The following SRSF11 variants were observed in gnomAD, a reference collection of about 807,000 sequenced individuals.
The protein encoded by SRSF11 is serine and arginine rich splicing factor 11, also known as serine/arginine-rich splicing factor 11.
SRSF11 carries 9 observed loss-of-function variants against 56.0 expected under a neutral mutation model. The observed-to-expected ratio is 0.16, with a 90% CI of 0.10 to 0.28. The LOEUF (loss-of-function observed/expected upper bound fraction) is 0.28, where lower values mean the gene tolerates loss of function less well. Ranked by LOEUF, SRSF11 falls within the 10% of genes least tolerant of loss-of-function variation. The pLI is 1.00. For missense variants in SRSF11, 421 were observed against 600.7 expected (o/e 0.70, Z 3.13); for synonymous variants, 222 against 215.3 (o/e 1.03, Z -0.27).
At chr1:70,241,954 G>T (rs572879000) in intron 7 of SRSF11, among the ~76,000 whole-genome samples, 2 of 152,278 alleles carry the variant, frequency 1.3e-5, no homozygotes, top group East Asian at 1.9e-4. Context: ...GGATCACAAG[G>T]TCAGGAGATT....
chr1:70,231,753 T>G, intron 2 of SRSF11: 1 of 1,247,716 alleles, frequency 8.0e-7, no homozygotes, highest in Non-Finnish European at 1.0e-6. Context: ...TTACAAAATT[T>G]GTATGGTAGG....
At chr1:70,250,095 T>G in intron 10 of SRSF11, 48 bp downstream of exon 10, 3 of 1,536,958 alleles carry the variant, frequency 2.0e-6, no homozygotes, top group Non-Finnish European at 2.7e-6. Flanking sequence ...TTTCAGAGGT[T>G]TTTCATTTTA....
exon 1 of SRSF11, chr1:70,205,727 G>A: frequency 3.8e-6 from 2 of 525,736 alleles, no homozygotes; most frequent in Non-Finnish European, 3.3e-6. Flanking sequence ...GGAGGACAGA[G>A]AAGCCTTTTC....
At position 70,221,487 on chromosome 1, in the gene SRSF11, C is replaced by CGGA. The variant is rs1670600949; in HGVS notation, c.-148_-147insAGG. The stretch of plus-strand genomic sequence containing the variant: ...GGCGTGCGGCGGGGCGGAGAAACGG[C>CGGA]GGCGGCGGCGGCGGCATCGGCAGCA... On this transcript the variant is annotated 5_prime_UTR_variant, in exon 1 of 12. Coordinates refer to ENST00000370949, the MANE Select transcript of SRSF11 (RefSeq NM_001350605.2). 1.0e-5 allele frequency: 12 copies of CGGA among 1,148,280 alleles called. No homozygotes were observed. In the East Asian group the frequency reaches 3.1e-4, roughly 30 times the overall value. The allele number at this position is 1,148,280 out of a possible 1,614,324, so 71.1% of individuals were successfully genotyped here.
rs539578922 is a variant in SRSF11 at position 70,227,205 on chromosome 1, A to T, written c.204-1217A>T. Among the ~76,000 whole-genome samples, 5 of 152,238 alleles carry T rather than the reference A, an allele frequency of 3.3e-5. No individual in the cohort carries two copies. The South Asian group carries it at 8.3e-4, about 25-fold the overall frequency. ...TTTTTCTTTTCAACAATGAATCTGA[A>T]ATTCTTAGTATAACCAAATCTGATG... is the stretch of plus-strand genomic sequence containing the variant. On this transcript the variant is annotated intron_variant, in intron 1 of 11. Transcript: ENST00000370949.
chr1:70,210,513 G>A (rs1175585649), intron 1 of SRSF11, among the ~76,000 whole-genome samples: 1 of 152,138 alleles, frequency 6.6e-6, no homozygotes, highest in Non-Finnish European at 1.5e-5. Context: ...AGGAGTTAGA[G>A]ACCAGCCTGG....
intron 5 of SRSF11, among the ~76,000 whole-genome samples, chr1:70,235,762 A>C (rs893746306): frequency 3.3e-5 from 5 of 152,226 alleles, no homozygotes; most frequent in Admixed American, 6.5e-5. Flanking sequence ...TTGAATAGTA[A>C]TTGTAAATGA....
intron 2 of SRSF11, chr1:70,229,042 G>C: frequency 1.0e-6 from 1 of 984,706 alleles, no homozygotes; most frequent in South Asian, 4.7e-5. Context: ...AAGGGTTGCA[G>C]TGATTTTGGT....
rs918622442 is a variant in SRSF11, at chr1:70,252,474, T to G, written c.*1669T>G. On this transcript the variant is annotated 3_prime_UTR_variant, in exon 12 of 12. Transcript: ENST00000370949. ...TTGTAGCTTTTATCCAAGTTTTGAGTATAAATAGGGTTTTGTTTTGTTTTT... is the reference window on the plus strand; with the variant it reads ...TTGTAGCTTTTATCCAAGTTTTGAGGATAAATAGGGTTTTGTTTTGTTTTT... The G allele has an allele frequency of 6.6e-6, 1 of 152,062 alleles. No individual in the cohort carries two copies. The highest frequency in any genetic ancestry group is 1.5e-5 in the Non-Finnish European group (1 of 67,980). 9.4% of individuals were successfully genotyped at this position (152,062 alleles called of 1,614,324 possible).
rs2101047606 is a variant in SRSF11 at position 70,251,139 on chromosome 1, C to G, written c.*334C>G. 4.8e-6 allele frequency: 1 copy of G among 207,670 alleles called. No homozygotes were observed. Among genetic ancestry groups the G allele is most frequent in the East Asian group, 1.0e-4 (1 of 9,644 alleles). The allele number at this position is 207,670 out of a possible 1,614,324, so 12.9% of individuals were successfully genotyped here. A position where few individuals can be genotyped will look rare whatever the true frequency, so the allele number is the denominator to read the frequency against. On this transcript the variant is annotated 3_prime_UTR_variant, in exon 12 of 12. Transcript: ENST00000370949. ...TATGATATCCTTTATTAAGTAAGTT[C>G]ACTTATAGTATTTCTATAATTTGAT... is the stretch of plus-strand genomic sequence containing the variant.
intron 5 of SRSF11, 31 bp from the exon 6 acceptor site, chr1:70,237,394 T>G (rs1306495068): frequency 6.2e-7 from 1 of 1,607,576 alleles, no homozygotes. Context: ...TTTTAAAATA[T>G]TTCAGATCCC....
At chr1:70,230,776 A>G (rs1248873473) in intron 2 of SRSF11, 5 of 1,173,704 alleles carry the variant, frequency 4.3e-6, no homozygotes, top group Non-Finnish European at 5.3e-6. Context: ...TTTGCCAGAA[A>G]TGTTGCAAAT....
intron 6 of SRSF11, among the ~76,000 whole-genome samples, chr1:70,238,568 T>C (rs1305197685): frequency 7.2e-5 from 11 of 152,332 alleles, no homozygotes; most frequent in East Asian, 1.9e-4. Flanking sequence ...AGATTTCCTT[T>C]CTATATTTAC....
At chr1:70,217,603 G>T (rs988751736), upstream of SRSF11, among the ~76,000 whole-genome samples, 4 of 152,200 alleles carry the variant, frequency 2.6e-5, no homozygotes, top group African/African-American at 9.6e-5. Flanking sequence ...AGAAATTTGT[G>T]AGTTTTTTGA....
chr1:70,247,308 TGCA>T (rs1676983169), intron 9 of SRSF11, among the ~76,000 whole-genome samples: 1 of 152,110 alleles, frequency 6.6e-6, no homozygotes, highest in Admixed American at 6.5e-5. Flanking sequence ...TGGGAAGCAA[TGCA>T]GGTTCTGGTT....
chr1:70,250,276 T>C, intron 10 of SRSF11, 89 bp from the exon 11 acceptor site: 1 of 1,551,956 alleles, frequency 6.4e-7, no homozygotes, highest in Non-Finnish European at 8.6e-7. Context: ...GTTGGATCTT[T>C]GCTGTACTAC....
chr1:70,247,249 T>C (rs1182304937), intron 9 of SRSF11: 1 of 319,588 alleles, frequency 3.1e-6, no homozygotes, highest in Non-Finnish European at 4.6e-6. Flanking sequence ...ATCATCTGCA[T>C]GTTAGTACTT....
chr1:70,231,601 CTT>C lies in SRSF11; in HGVS notation c.338-665_338-664del. On this transcript the variant is annotated intron_variant, in intron 2 of 11. Transcript: ENST00000370949. Reference sequence around the variant, plus strand: ...GTGCCATGTTGTTTTACCTATCTCTCTTTCTCTCTCACTCCCATGCACACATC... The same window carrying C: ...GTGCCATGTTGTTTTACCTATCTCTCTCTCTCTCACTCCCATGCACACATC... The C allele has an allele frequency of 6.2e-6, 7 of 1,132,546 alleles. No individual in the cohort carries two copies. In the East Asian group the frequency reaches 3.7e-4, roughly 60 times the overall value. The allele number at this position is 1,132,546 out of a possible 1,614,324, so 70.2% of individuals were successfully genotyped here.
At chr1:70,247,111 G>A in intron 9 of SRSF11, 6 of 1,116,062 alleles carry the variant, frequency 5.4e-6, no homozygotes, top group Non-Finnish European at 6.9e-6. Flanking sequence ...ATATTTTATG[G>A]TCTAGAGTAT....
Sources: allele counts gnomAD v4.1 joint callset (sites outside exome capture counted in the v4.1 genomes callset), GRCh38; gene constraint gnomAD v4.1.1; transcripts MANE v1.5; gene names NCBI Gene and HGNC (gene_info 2026-07-23, HGNC 2026-07-21).